The following KIF3A variants were observed in gnomAD, a reference collection of about 807,000 sequenced individuals.
KIF3A encodes the protein kinesin family member 3A.
In KIF3A, 27 loss-of-function variants were observed where a neutral mutation model predicts 92.6. The observed-to-expected ratio is 0.29, with a 90% CI of 0.21 to 0.40. KIF3A has a LOEUF of 0.40. Ranked by LOEUF, KIF3A falls within the 10% of genes least tolerant of loss-of-function variation. The pLI is 1.00. For missense variants in KIF3A, 581 were observed against 872.6 expected, an observed-to-expected ratio of 0.67 and a Z score of 4.21; for synonymous variants, 250 against 275.4, an observed-to-expected ratio of 0.91 and a Z score of 0.92.
At chr5:132,721,715 A>G (rs1753830542) in intron 4 of KIF3A, 1 of 124,380 alleles carries the variant, frequency 8.0e-6, no homozygotes, top group Admixed American at 7.9e-5. Flanking sequence ...TTCTATTAGT[A>G]GTAAAAAAAA....
intron 1 of KIF3A, 128 bp downstream of exon 1, chr5:132,737,286 G>GC (rs1251160447): frequency 8.4e-6 from 9 of 1,070,494 alleles, no homozygotes; most frequent in Non-Finnish European, 1.0e-5. Context: ...CACCTCCACC[G>GC]CACGACCGAG....
Position 132,702,662 on chromosome 5 carries a change from G to T in KIF3A, c.1654C>A (p.Arg552Ser). 6.3e-7 allele frequency: 1 copy of T among 1,599,188 alleles called. No homozygotes were observed. Among genetic ancestry groups the T allele is most frequent in the Non-Finnish European group, 8.5e-7 (1 of 1,172,040 alleles). The stretch of plus-strand genomic sequence containing the variant: ...GTATATTTTTCTTCAATATCCAAGC[G>T]TTCTTGCTATGACAAAAATTAGTAA... Reference protein sequence around the residue: ...RRELEEKEQERLDIEEKYTSL... With the variant: ...RRELEEKEQESLDIEEKYTSL... The change falls in exon 14 of 19, where the codon CGC becomes AGC. Residue 552 changes from arginine (R) to serine (S), a missense_variant. Around this residue, in one of 5 missense-constraint regions of KIF3A, gnomAD observed 45 missense variants for 115.8 expected, o/e 0.39. Coordinates refer to ENST00000403231, the MANE Select transcript of KIF3A (RefSeq NM_001300791.2).
intron 1 of KIF3A, among the ~76,000 whole-genome samples, chr5:132,737,089 C>G (rs1247107080): frequency 2.6e-5 from 4 of 152,380 alleles, no homozygotes; most frequent in South Asian, 4.1e-4. Flanking sequence ...GTGGCCACCC[C>G]CAGACGCCCC....
chr5:132,719,788 C>T (rs1561704677), intron 5 of KIF3A, among the ~76,000 whole-genome samples: 1 of 151,966 alleles, frequency 6.6e-6, no homozygotes, highest in Non-Finnish European at 1.5e-5. Flanking sequence ...AGACTTTTCA[C>T]CTCTAATTTC....
Position 132,715,760 on chromosome 5 carries a change from C to G in KIF3A, c.1126G>C (p.Glu376Gln). 6.2e-7 allele frequency: 1 copy of G among 1,605,638 alleles called. No homozygotes were observed. The highest frequency in any genetic ancestry group is 1.3e-5 in the African/African-American group (1 of 74,512). ...EIEELKKKLE[E>Q]GEEISGSDIS... Reference sequence around the variant, plus strand: ...TAATATTTTGAGGAAAAGCTACCTTCTTCAAGCTTCTTTTTCAGTTCTTCT... The same window carrying G: ...TAATATTTTGAGGAAAAGCTACCTTGTTCAAGCTTCTTTTTCAGTTCTTCT... Residue 376 changes from glutamate to glutamine, a missense_variant, in exon 8 of 19, where the codon GAA becomes CAA. This residue lies in a region of KIF3A where 167 missense variants were observed against 205.8 expected (regional missense o/e 0.81). Transcript: ENST00000403231.
chr5:132,730,659 G>A (rs974270127), intron 2 of KIF3A, among the ~76,000 whole-genome samples: 1 of 151,858 alleles, frequency 6.6e-6, no homozygotes, highest in Non-Finnish European at 1.5e-5. Context: ...GCATGGTGCG[G>A]TGGCACACAC....
At chr5:132,691,471 T>TG (rs1413863266), downstream of KIF3A, among the ~76,000 whole-genome samples, 8 of 146,950 alleles carry the variant, frequency 5.4e-5, no homozygotes, top group African/African-American at 1.5e-4. Context: ...CACTTGAACT[T>TG]GGGGGGCGGA....
intron 8 of KIF3A, among the ~76,000 whole-genome samples, chr5:132,713,727 A>T (rs567271132): frequency 1.3e-5 from 2 of 152,252 alleles, no homozygotes; most frequent in South Asian, 4.1e-4. Context: ...CCAACTGTCC[A>T]TTGGTGGATG....
At chr5:132,725,136 T>C (rs1581095506) in intron 4 of KIF3A, among the ~76,000 whole-genome samples, 1 of 152,040 alleles carries the variant, frequency 6.6e-6, no homozygotes, top group East Asian at 1.9e-4. Context: ...TTCCTAGAAT[T>C]TGCATAACAC....
chr5:132,724,789 T>TAAAAA (rs1561708464), intron 4 of KIF3A, among the ~76,000 whole-genome samples: 13 of 55,206 alleles, frequency 2.4e-4, no homozygotes, highest in Non-Finnish European at 3.3e-4. Context: ...ACTTAAAGTA[T>TAAAAA]AATAAAAAAA....
chr5:132,701,429 G>C (rs1012288499), intron 15 of KIF3A, among the ~76,000 whole-genome samples: 7 of 148,340 alleles, frequency 4.7e-5, no homozygotes, highest in African/African-American at 1.7e-4. Context: ...AACCCGGGAA[G>C]TGAAGGTTGC....
At chr5:132,723,695 C>A (rs917167780) in intron 4 of KIF3A, 1 of 152,142 alleles carries the variant, frequency 6.6e-6, no homozygotes, top group Non-Finnish European at 1.5e-5. Context: ...ACCATGAAAA[C>A]CCTAGAAGAA....
intron 1 of KIF3A, chr5:132,737,076 A>G: frequency 2.4e-6 from 1 of 417,492 alleles, no homozygotes; most frequent in Non-Finnish European, 4.3e-6. Flanking sequence ...AAAGAGCCCC[A>G]CCGTGGCCAC....
chr5:132,715,988 T>C (rs1753607930), intron 7 of KIF3A, 57 bp from the exon 8 acceptor site: 3 of 1,213,364 alleles, frequency 2.5e-6, no homozygotes, highest in South Asian at 1.4e-5. Context: ...TTAAAATTAA[T>C]ACTACCATTA....
At chr5:132,690,487 T>C (rs2149885345), downstream of KIF3A, among the ~76,000 whole-genome samples, 1 of 152,244 alleles carries the variant, frequency 6.6e-6, no homozygotes, top group Non-Finnish European at 1.5e-5. Context: ...AACAACATTT[T>C]CAAATAGCTA....
chr5:132,727,232 C>T lies in KIF3A; in HGVS notation c.281-734G>A, dbSNP rs533474709. Among the ~76,000 whole-genome samples, 5 of 152,342 alleles carry T rather than the reference C, an allele frequency of 3.3e-5. No homozygotes were observed. In the South Asian group the frequency reaches 6.2e-4, roughly 19 times the overall value. ...ATTCATTCAACAAACATTTACCACACACCTGAGTTTGGCATTGTGCTAGGC... is the reference window on the plus strand; with the variant it reads ...ATTCATTCAACAAACATTTACCACATACCTGAGTTTGGCATTGTGCTAGGC... On this transcript the variant is annotated intron_variant, in intron 2 of 18. Transcript: ENST00000403231.
chr5:132,726,081 T>C (rs761867069), intron 4 of KIF3A, 47 bp downstream of exon 4: 3 of 1,365,456 alleles, frequency 2.2e-6, no homozygotes, highest in Non-Finnish European at 3.0e-6. Flanking sequence ...TTAGCAAATA[T>C]TCTATTGCTT....
intron 5 of KIF3A, among the ~76,000 whole-genome samples, chr5:132,718,307 G>C (rs193123361): frequency 6.6e-6 from 1 of 152,148 alleles, no homozygotes; most frequent in Admixed American, 6.5e-5. Context: ...TACCTGACTG[G>C]GTTTTTTTGT....
At chr5:132,711,308 CTG>C (rs1753414933) in intron 8 of KIF3A, among the ~76,000 whole-genome samples, 2 of 152,250 alleles carry the variant, frequency 1.3e-5, no homozygotes, top group South Asian at 4.1e-4. Flanking sequence ...TCAAACCATT[CTG>C]GCTAGGCAAG....
Sources: allele counts gnomAD v4.1 joint callset (sites outside exome capture counted in the v4.1 genomes callset), GRCh38; gene constraint gnomAD v4.1.1; regional missense constraint gnomAD v4.1.1; transcripts MANE v1.5; gene names NCBI Gene and HGNC (gene_info 2026-07-23, HGNC 2026-07-21).